The following RNF180 variants were observed in gnomAD, a reference collection of about 807,000 sequenced individuals.
The protein encoded by RNF180 is E3 ubiquitin-protein ligase RNF180.
RNF180 carries 38 observed loss-of-function variants against 59.2 expected under a neutral mutation model. The ratio of observed to expected loss-of-function variants is 0.64; its 90% CI spans 0.50 to 0.84. The LOEUF (loss-of-function observed/expected upper bound fraction) is 0.84. Ranked by LOEUF, RNF180 falls within the 40% of genes least tolerant of loss-of-function variation. The pLI is 0.00. For synonymous variants in RNF180, 262 were observed against 240.3 expected (o/e 1.09, Z -0.84); for missense variants, 705 against 700.9 (o/e 1.01, Z -0.07).
chr5:64,331,820 T>C (rs915273026), intron 7 of RNF180, among the ~76,000 whole-genome samples: 19 of 152,100 alleles, frequency 1.2e-4, no homozygotes, highest in African/African-American at 4.6e-4. Context: ...AGCCCAGATG[T>C]AGAGATCCCT....
At chr5:64,327,576 G>C (rs1395036536) in intron 6 of RNF180, among the ~76,000 whole-genome samples, 1 of 152,074 alleles carries the variant, frequency 6.6e-6, no homozygotes, top group Non-Finnish European at 1.5e-5. Flanking sequence ...CCACATATTT[G>C]TATAGTTTCT....
In RNF180 at chr5:64,370,872, T is replaced by TGCAG. The variant is rs1746637132; in HGVS notation, c.*1058_*1059insGCAG. 6.6e-6 allele frequency: 1 copy of TGCAG among 151,642 alleles called. No homozygotes were observed. The highest frequency in any genetic ancestry group is 1.5e-5 in the Non-Finnish European group (1 of 67,726). 9.4% of individuals were successfully genotyped at this position (151,642 alleles called of 1,614,324 possible). On this transcript the variant is annotated 3_prime_UTR_variant, in exon 8 of 8. Transcript: ENST00000389100. ...CTTTGTGAAACCTGGGACAAAGTTT[T>TGCAG]TATTATGAATTACTAATCCAGTATT... is the stretch of plus-strand genomic sequence containing the variant.
intron 1 of RNF180, among the ~76,000 whole-genome samples, chr5:64,179,080 A>G (rs1260851885): frequency 6.6e-6 from 1 of 152,208 alleles, no homozygotes; most frequent in Non-Finnish European, 1.5e-5. Context: ...TTAGTAACTA[A>G]GGCTTAAATG....
At chr5:64,261,824 C>T (rs879693339) in intron 5 of RNF180, among the ~76,000 whole-genome samples, 5 of 152,056 alleles carry the variant, frequency 3.3e-5, no homozygotes, top group Non-Finnish European at 5.9e-5. Flanking sequence ...CCATCACTTG[C>T]GTTTGGTGTT....
intron 1 of RNF180, among the ~76,000 whole-genome samples, chr5:64,180,862 G>A (rs1293343929): frequency 1.3e-5 from 2 of 152,098 alleles, no homozygotes; most frequent in Admixed American, 1.3e-4. Context: ...ATTCCAGGAA[G>A]CTACTAGGCA....
intron 7 of RNF180, among the ~76,000 whole-genome samples, chr5:64,362,006 C>A (rs1464919226): frequency 1.3e-5 from 2 of 151,090 alleles, no homozygotes; most frequent in Non-Finnish European, 3.0e-5. Context: ...CTTATTTATC[C>A]TATTAGAAAG....
chr5:64,349,384 TAA>T (rs1356136766), intron 7 of RNF180, among the ~76,000 whole-genome samples: 2 of 151,576 alleles, frequency 1.3e-5, no homozygotes, highest in Non-Finnish European at 2.9e-5. Context: ...GTAATAATAA[TAA>T]GTTATGACAG....
chr5:64,203,978 G>GA (rs1751880464), intron 2 of RNF180, among the ~76,000 whole-genome samples: 2 of 152,014 alleles, frequency 1.3e-5, no homozygotes, highest in South Asian at 4.1e-4. Flanking sequence ...GTGCTGAAAG[G>GA]TTGCTAAATT....
chr5:64,200,552 G>A (rs1751690431), intron 1 of RNF180, among the ~76,000 whole-genome samples: 1 of 152,168 alleles, frequency 6.6e-6, no homozygotes, highest in South Asian at 2.1e-4. Flanking sequence ...AAAAGCAGTA[G>A]ATACAAAACT....
At chr5:64,272,521 G>A (rs1391351006) in intron 5 of RNF180, among the ~76,000 whole-genome samples, 1 of 152,010 alleles carries the variant, frequency 6.6e-6, no homozygotes, top group Non-Finnish European at 1.5e-5. Flanking sequence ...TTGGTCTTTA[G>A]CCTAAGAACA....
chr5:64,317,567 CATATATATACACATAT>C (rs1744108820), intron 5 of RNF180, among the ~76,000 whole-genome samples: 1 of 145,962 alleles, frequency 6.9e-6, no homozygotes, highest in Non-Finnish European at 1.5e-5. Context: ...TATACACATA[CATATATATACACATAT>C]ATATACATAT....
chr5:64,204,511 T>C (rs1751920404), intron 2 of RNF180, among the ~76,000 whole-genome samples: 1 of 152,336 alleles, frequency 6.6e-6, no homozygotes, highest in East Asian at 1.9e-4. Flanking sequence ...TGTCTTTTTT[T>C]CTTGCCTATT....
chr5:64,181,159 C>T (rs762879812), intron 1 of RNF180, among the ~76,000 whole-genome samples: 5 of 152,178 alleles, frequency 3.3e-5, no homozygotes, highest in Non-Finnish European at 7.3e-5. Flanking sequence ...TTGTTCTAGC[C>T]TCGCTGGCAG....
intron 5 of RNF180, among the ~76,000 whole-genome samples, chr5:64,308,846 C>T (rs951485695): frequency 6.6e-6 from 1 of 151,700 alleles, no homozygotes; most frequent in East Asian, 1.9e-4. Flanking sequence ...TATTAAACTT[C>T]ACTTTTTCTA....
At chr5:64,345,322 G>A (rs1350504715) in intron 7 of RNF180, among the ~76,000 whole-genome samples, 2 of 152,180 alleles carry the variant, frequency 1.3e-5, no homozygotes, top group African/African-American at 2.4e-5. Context: ...GGCACTCTAT[G>A]TCTTATCCTC....
intron 5 of RNF180, among the ~76,000 whole-genome samples, chr5:64,312,976 T>A (rs1743849187): frequency 6.6e-6 from 1 of 152,116 alleles, no homozygotes; most frequent in Non-Finnish European, 1.5e-5. Flanking sequence ...AAATTCAGGT[T>A]GAGTATCCCT....
Position 64,213,756 on chromosome 5 carries a change from C to A in RNF180, c.430C>A (p.Gln144Lys), listed in dbSNP as rs746721313. Residue 144 changes from glutamine to lysine, a missense_variant, in exon 4 of 8, where the codon CAG becomes AAG. By Grantham distance (53) the Gln-to-Lys change is moderately conservative. Transcript: ENST00000389100. ...SVKYLSHPRV[Q>K]SGCDKEALLT... Reference sequence around the variant, plus strand: ...GAAATACTTGTCACATCCTAGAGTTCAGTCAGGTTGTGACAAGGAAGCTCT... The same window carrying A: ...GAAATACTTGTCACATCCTAGAGTTAAGTCAGGTTGTGACAAGGAAGCTCT... 6.2e-7 allele frequency: 1 copy of A among 1,614,142 alleles called. No homozygotes were observed. The highest frequency in any genetic ancestry group is 1.1e-5 in the South Asian group (1 of 91,084).
chr5:64,276,704 A>G (rs1947093), intron 5 of RNF180, among the ~76,000 whole-genome samples: 11,883 of 152,128 alleles, frequency 0.078, 634 homozygotes, highest in South Asian at 0.15. Context: ...TTAAAAATAA[A>G]TGAGGGAATA....
At chr5:64,322,337 A>G (rs1744398919) in intron 5 of RNF180, among the ~76,000 whole-genome samples, 1 of 152,150 alleles carries the variant, frequency 6.6e-6, no homozygotes, top group Admixed American at 6.5e-5. Flanking sequence ...AAAGTGGGGA[A>G]AGGGTATGAA....
Sources: allele counts gnomAD v4.1 joint callset (sites outside exome capture counted in the v4.1 genomes callset), GRCh38; gene constraint gnomAD v4.1.1; transcripts MANE v1.5; gene names NCBI Gene and HGNC (gene_info 2026-07-23, HGNC 2026-07-21).